Variants in FBLN1 observed in about 807,000 individuals in gnomAD.
FBLN1 encodes fibulin 1.
Under a neutral mutation model 89.7 loss-of-function variants are expected in FBLN1, and 34 were observed. The observed-to-expected ratio is 0.38, with a 90% CI of 0.29 to 0.50. The LOEUF (loss-of-function observed/expected upper bound fraction) is 0.50. Ranked by LOEUF, FBLN1 falls within the 20% of genes least tolerant of loss-of-function variation. The probability of loss-of-function intolerance (pLI) is 0.92; values close to 1 mark genes in which losing one functional copy is unlikely to be tolerated. For missense variants in FBLN1, 777 were observed against 988.1 expected (o/e 0.79, Z 2.86); for synonymous variants, 393 against 391.3 (o/e 1.00, Z -0.05).
rs1349817393 is a variant in FBLN1 at position 45,532,490 on chromosome 22, C to G, written c.545-573C>G. Among the ~76,000 whole-genome samples, 1 of 152,064 alleles carries G rather than the reference C, an allele frequency of 6.6e-6. No individual in the cohort carries two copies. The highest frequency in any genetic ancestry group is 1.5e-5 in the Non-Finnish European group (1 of 68,014). On this transcript the variant is annotated intron_variant, in intron 5 of 16. Transcript: ENST00000327858. This position sits in a 1 kb window ranked among gnomAD's most constrained non-coding sequence, Gnocchi z 4.2. ...AGAAGTGTATCTCGTAGAATCTTTCCCTGGTTGAGGCTTATCCTGATGAGA... is the reference window on the plus strand; with the variant it reads ...AGAAGTGTATCTCGTAGAATCTTTCGCTGGTTGAGGCTTATCCTGATGAGA...
At chr22:45,558,103 G>T (rs529666936) in intron 14 of FBLN1, 1 of 716,850 alleles carries the variant, frequency 1.4e-6, no homozygotes, top group East Asian at 2.7e-5. Flanking sequence ...GAGGCCATCG[G>T]TGCAGGCTGG....
Position 45,502,956 on chromosome 22 carries a change from C to T in FBLN1, c.-30C>T. 1.9e-6 allele frequency: 2 copies of T among 1,055,060 alleles called. No individual in the cohort carries two copies. The highest frequency in any genetic ancestry group is 2.3e-6 in the Non-Finnish European group (2 of 863,774). The allele number at this position is 1,055,060 out of a possible 1,614,324, so 65.4% of individuals were successfully genotyped here. A position where few individuals can be genotyped will look rare whatever the true frequency, so the allele number is the denominator to read the frequency against. On this transcript the variant is annotated 5_prime_UTR_variant, in exon 1 of 17. Transcript: ENST00000327858. ...AGGACCGCGCCCGCGCCTTTGTCCG[C>T]CGCCGCCCACCGCCCGTCGCCCGCC...
intron 12 of FBLN1, among the ~76,000 whole-genome samples, chr22:45,547,454 G>A (rs1376714646): frequency 7.5e-6 from 1 of 134,002 alleles, no homozygotes; most frequent in Admixed American, 8.8e-5. Flanking sequence ...GGAGTGATAT[G>A]GTGCAATCAC....
At chr22:45,586,917 G>A (rs1423018535) in intron 16 of FBLN1, among the ~76,000 whole-genome samples, 1 of 152,128 alleles carries the variant, frequency 6.6e-6, no homozygotes, top group Non-Finnish European at 1.5e-5. Context: ...GCTGGGCCAG[G>A]CCATGTGGAC....
intron 2 of FBLN1, among the ~76,000 whole-genome samples, chr22:45,521,499 G>A (rs1235956297): frequency 1.3e-5 from 2 of 152,212 alleles, no homozygotes; most frequent in African/African-American, 2.4e-5. Context: ...CTCTGCCTGC[G>A]TCACTGCCCT....
rs1044010799 is a variant in FBLN1 at position 45,580,823 on chromosome 22, A to T, written c.1972+3715A>T. ...GGAGAAATGCCCCGAGTCCACTAAGAACCTGCAAGGGCCGGGTCGTCCTCT... is the reference window on the plus strand; with the variant it reads ...GGAGAAATGCCCCGAGTCCACTAAGTACCTGCAAGGGCCGGGTCGTCCTCT... On this transcript the variant is annotated intron_variant, in intron 16 of 16. Transcript: ENST00000327858. The surrounding 1 kb of genome is among the most constrained non-coding windows in gnomAD (Gnocchi z 8.6). Among the ~76,000 whole-genome samples, 11 of 152,140 alleles carry T rather than the reference A, an allele frequency of 7.2e-5. No individual in the cohort carries two copies. Among genetic ancestry groups the T allele is most frequent in the African/African-American group, 2.4e-4 (10 of 41,436 alleles).
At chr22:45,564,743 G>A (rs2088886858) in intron 14 of FBLN1, 4 of 977,560 alleles carry the variant, frequency 4.1e-6, no homozygotes, top group Non-Finnish European at 6.3e-6. Flanking sequence ...ATTCAGTGCG[G>A]TGTTCCCAGC....
intron 16 of FBLN1, among the ~76,000 whole-genome samples, chr22:45,596,657 TATA>T (rs1216661730): frequency 3.4e-5 from 5 of 147,168 alleles, no homozygotes; most frequent in East Asian, 3.9e-4. Context: ...ATCAACATAA[TATA>T]ATTATGTACA....
chr22:45,548,621 G>A lies in FBLN1; in HGVS notation c.1450G>A (p.Glu484Lys), dbSNP rs1166051165. 1 of 1,613,628 alleles carries A rather than the reference G, an allele frequency of 6.2e-7. No homozygotes were observed. Among genetic ancestry groups the A allele is most frequent in the Non-Finnish European group, 8.5e-7 (1 of 1,179,984 alleles). ...VDGVTCEDID[E>K]CALPTGGHIC... ...GGGCTTTGCCGTTGCAGACATCGAC[G>A]AGTGCGCCCTGCCCACCGGGGGCCA... Residue 484 changes from glutamate to lysine, a missense_variant, in exon 13 of 17, where the codon GAG becomes AAG. Coordinates refer to ENST00000327858, the MANE Select transcript of FBLN1 (RefSeq NM_006486.3).
intron 16 of FBLN1, among the ~76,000 whole-genome samples, chr22:45,589,031 G>A (rs1258599827): frequency 1.3e-5 from 2 of 149,602 alleles, no homozygotes; most frequent in African/African-American, 2.4e-5. Flanking sequence ...CCCTTGTGGT[G>A]TGCCAGGCAC....
chr22:45,562,967 A>G lies in FBLN1; in HGVS notation c.1698-11544A>G. 6.2e-7 allele frequency: 1 copy of G among 1,613,994 alleles called. No individual in the cohort carries two copies. The highest frequency in any genetic ancestry group is 8.5e-7 in the Non-Finnish European group (1 of 1,179,992). ...TCGGGAGTGCTCCAAGCTGCCTCTG[A>G]GAATAACCTACTACCACCTCTCTTT... On this transcript the variant is annotated intron_variant, in intron 14 of 16. Coordinates refer to ENST00000327858, the MANE Select transcript of FBLN1 (RefSeq NM_006486.3). The surrounding 1 kb of genome is among the most constrained non-coding windows in gnomAD (Gnocchi z 7.8).
intron 3 of FBLN1, among the ~76,000 whole-genome samples, chr22:45,527,277 G>T (rs1345866172): frequency 2.6e-5 from 4 of 152,194 alleles, no homozygotes; most frequent in Non-Finnish European, 5.9e-5. Flanking sequence ...TAACTATTGG[G>T]ACCTGGGCCC....
intron 16 of FBLN1, among the ~76,000 whole-genome samples, chr22:45,594,178 C>T (rs890180245): frequency 1.3e-5 from 2 of 152,144 alleles, no homozygotes; most frequent in East Asian, 1.9e-4. Flanking sequence ...ATGTGGGCAG[C>T]GAGTGTTCCT....
rs188009493 is a variant in FBLN1 at position 45,536,301 on chromosome 22, C to T, written c.922+964C>T. On this transcript the variant is annotated intron_variant, in intron 8 of 16. Transcript: ENST00000327858. This position sits in a 1 kb window ranked among gnomAD's most constrained non-coding sequence, Gnocchi z 5.1. ...GGATGGGGAGTGAGTGTTTCCTGGGCGCAGAGTTTCAGTTTGAGAAGATGA... is the reference window on the plus strand; with the variant it reads ...GGATGGGGAGTGAGTGTTTCCTGGGTGCAGAGTTTCAGTTTGAGAAGATGA... Among the ~76,000 whole-genome samples, 23 of 152,154 alleles carry T rather than the reference C, an allele frequency of 1.5e-4. No individual in the cohort carries two copies. The highest frequency in any genetic ancestry group is 4.1e-4 in the African/African-American group (17 of 41,512).
chr22:45,547,626 C>T (rs1036207919), intron 12 of FBLN1, among the ~76,000 whole-genome samples: 4 of 151,964 alleles, frequency 2.6e-5, no homozygotes, highest in South Asian at 4.2e-4. Flanking sequence ...TCTCGAACTC[C>T]GTGGCTCAAG....
In FBLN1 at chr22:45,574,640, C is replaced by T. The variant is rs761267107; in HGVS notation, c.1827C>T (p.Phe609=). ...TVISLPTFRE[F]TRPEEIIFLR... is the part of the protein sequence containing the mutation. ...TCTCGCTGCCTACCTTCCGCGAGTT[C>T]ACCCGCCCTGAAGGTGAGTGGGATG... Residue 609 remains phenylalanine, a synonymous_variant, in exon 15 of 17, where the codon TTC becomes TTT. Transcript: ENST00000327858. The surrounding 1 kb of genome is among the most constrained non-coding windows in gnomAD (Gnocchi z 4.1). 6.2e-6 allele frequency: 10 copies of T among 1,613,880 alleles called. No homozygotes were observed. The highest frequency in any genetic ancestry group is 8.5e-6 in the Non-Finnish European group (10 of 1,179,982).
intron 16 of FBLN1, among the ~76,000 whole-genome samples, chr22:45,595,180 C>T (rs1354091024): frequency 2.0e-5 from 3 of 151,994 alleles, no homozygotes; most frequent in Non-Finnish European, 4.4e-5. Context: ...GGAGTGTGGG[C>T]AGGTCCGCTG....
chr22:45,588,320 G>A lies in FBLN1; in HGVS notation c.1972+11212G>A, dbSNP rs114673323. On this transcript the variant is annotated intron_variant, in intron 16 of 16. Coordinates refer to ENST00000327858, the MANE Select transcript of FBLN1 (RefSeq NM_006486.3). The surrounding 1 kb of genome is among the most constrained non-coding windows in gnomAD (Gnocchi z 5.1). ...GGGAACTCCTTCTGGAAAGTCTGTC[G>A]TGAACCAGAGCAGATAAATGCTTGT... Among the ~76,000 whole-genome samples, 548 of 152,286 alleles carry A rather than the reference G, an allele frequency of 3.6e-3. 4 individuals are homozygous for A. Among genetic ancestry groups the A allele is most frequent in the African/African-American group, 0.013 (524 of 41,552 alleles).
At chr22:45,553,791 A>G (rs568202143) in intron 14 of FBLN1, among the ~76,000 whole-genome samples, 37 of 152,142 alleles carry the variant, frequency 2.4e-4, no homozygotes, top group Middle Eastern at 6.8e-3. Context: ...GTGTGTGATG[A>G]CGGCGGGAGC....
Sources: gnomAD v4.1 joint callset for allele counts (sites outside exome capture counted in the v4.1 genomes callset) on GRCh38, gnomAD v4.1.1 for gene constraint, Gnocchi (gnomAD v3.1) non-coding constraint, MANE v1.5 for transcripts, NCBI Gene and HGNC (gene_info 2026-07-23, HGNC 2026-07-21) for gene names.